MPP7: variants seen among roughly 807,000 people sequenced by gnomAD.
MPP7 encodes the protein MAGUK p55 scaffold protein 7, also known as MAGUK p55 subfamily member 7.
MPP7 carries 60 observed loss-of-function variants against 76.5 expected under a neutral mutation model. The observed-to-expected ratio is 0.78, with a 90% confidence interval of 0.64 to 0.97. The LOEUF is 0.97. Ranked by LOEUF, MPP7 falls within the 50% of genes least tolerant of loss-of-function variation. The pLI is 0.00. For missense variants in MPP7, 641 were observed against 694.0 expected (o/e 0.92, Z 0.86); for synonymous variants, 237 against 244.5 (o/e 0.97, Z 0.29).
At position 28,297,820 on chromosome 10, in the gene MPP7, T is replaced by C. The variant is rs1034091817; in HGVS notation, c.-132+5041A>G. The stretch of plus-strand genomic sequence containing the variant: ...TTCACAATTGAAGTCAATCCTATCA[T>C]ACCCTGCCACTGCTTTATTAACCAA... On this transcript the variant is annotated intron_variant, in intron 1 of 16. Coordinates refer to ENST00000683449, the MANE Select transcript of MPP7 (RefSeq NM_001318170.2). 2.0e-5 allele frequency among the ~76,000 whole-genome samples: 3 copies of C among 152,366 alleles called. No homozygotes were observed. The South Asian group carries it at 6.2e-4, about 32-fold the overall frequency.
Position 28,274,073 on chromosome 10 carries a change from C to T in MPP7, c.-132+28788G>A, listed in dbSNP as rs1030921820. Among the ~76,000 whole-genome samples, 4 of 151,840 alleles carry T rather than the reference C, an allele frequency of 2.6e-5. No individual in the cohort carries two copies. The East Asian group carries it at 7.8e-4, about 30-fold the overall frequency. ...CCAGGGGTTCAAGACCATCATGATA[C>T]CCCATCTCTGTAAAATAAAATTTTT... On this transcript the variant is annotated intron_variant, in intron 1 of 16. Transcript: ENST00000683449.
At chr10:28,100,062 T>C (rs1283748841) in intron 11 of MPP7, among the ~76,000 whole-genome samples, 1 of 147,840 alleles carries the variant, frequency 6.8e-6, no homozygotes, top group African/African-American at 2.5e-5. Flanking sequence ...ACTGATTCAA[T>C]AGGTACCTTA....
chr10:28,099,481 A>T (rs1331295140), intron 11 of MPP7, among the ~76,000 whole-genome samples: 2 of 152,202 alleles, frequency 1.3e-5, no homozygotes, highest in Non-Finnish European at 2.9e-5. Flanking sequence ...GACTCATAAC[A>T]GAGGATTAGA....
rs116839777 is a variant in MPP7 at position 28,210,729 on chromosome 10, G to A, written c.38-8458C>T. ...TGTTGTAACCTATTCTCCCTTTCCA[G>A]AGGAATTTTATATGGCAAATTCTGG... On this transcript the variant is annotated intron_variant, in intron 2 of 16. Coordinates refer to ENST00000683449, the MANE Select transcript of MPP7 (RefSeq NM_001318170.2). 2.9e-3 allele frequency among the ~76,000 whole-genome samples: 437 copies of A among 152,266 alleles called. 1 individual carries two copies. Among genetic ancestry groups the A allele is most frequent in the African/African-American group, 9.7e-3 (404 of 41,546 alleles).
At chr10:28,272,970 T>C (rs1369286149) in intron 1 of MPP7, among the ~76,000 whole-genome samples, 3 of 152,172 alleles carry the variant, frequency 2.0e-5, no homozygotes, top group African/African-American at 7.2e-5. Flanking sequence ...CAGGCTGTAG[T>C]GTAGTGGCGC....
intron 1 of MPP7, among the ~76,000 whole-genome samples, chr10:28,291,231 G>T (rs1475443863): frequency 8.5e-5 from 13 of 152,224 alleles, no homozygotes; most frequent in Admixed American, 8.5e-4. Context: ...TACAGCAACT[G>T]CTATAACCAC....
chr10:28,057,693 G>A (rs1851616134), intron 15 of MPP7: 2 of 1,247,458 alleles, frequency 1.6e-6, no homozygotes, highest in Admixed American at 5.4e-5. Context: ...GACTAACACA[G>A]TGCCCAAGTC....
intron 3 of MPP7, among the ~76,000 whole-genome samples, chr10:28,197,512 G>T (rs1239559222): frequency 6.6e-6 from 1 of 152,074 alleles, no homozygotes; most frequent in Non-Finnish European, 1.5e-5. Flanking sequence ...ACCGAATGCA[G>T]GTTCCAACTT....
upstream of MPP7, among the ~76,000 whole-genome samples, chr10:28,304,682 T>C (rs1347033830): frequency 6.6e-6 from 1 of 152,192 alleles, no homozygotes; most frequent in Non-Finnish European, 1.5e-5. Context: ...TTTTACATTG[T>C]GTAAGGAAAA....
intron 1 of MPP7, among the ~76,000 whole-genome samples, chr10:28,251,561 A>C (rs1839614684): frequency 6.6e-6 from 1 of 152,252 alleles, no homozygotes; most frequent in African/African-American, 2.4e-5. Flanking sequence ...AGAAATAATC[A>C]TACAAGTATG....
intron 5 of MPP7, among the ~76,000 whole-genome samples, chr10:28,143,474 C>A (rs1334330095): frequency 1.3e-5 from 2 of 151,984 alleles, no homozygotes; most frequent in South Asian, 4.1e-4. Flanking sequence ...GGACAGATAT[C>A]ATAAATCATG....
chr10:28,310,407 A>G (rs917455692), intron 2 of MPP7, among the ~76,000 whole-genome samples: 14 of 152,008 alleles, frequency 9.2e-5, no homozygotes, highest in South Asian at 2.1e-4. Flanking sequence ...CCACTCTCCC[A>G]TGTTCTGTCT....
intron 13 of MPP7, 117 bp downstream of exon 13, chr10:28,069,655 C>T: frequency 3.0e-6 from 2 of 665,170 alleles, no homozygotes; most frequent in South Asian, 3.0e-5. Context: ...AATACATATA[C>T]CTACCATGTA....
At chr10:28,210,527 T>TAACA (rs1381946571) in intron 2 of MPP7, among the ~76,000 whole-genome samples, 1 of 152,196 alleles carries the variant, frequency 6.6e-6, no homozygotes, top group Non-Finnish European at 1.5e-5. Flanking sequence ...TGTGGTTTTC[T>TAACA]AACATTAAAA....
intron 4 of MPP7, among the ~76,000 whole-genome samples, chr10:28,149,150 A>AT (rs1835800471): frequency 6.6e-6 from 1 of 152,224 alleles, no homozygotes; most frequent in South Asian, 2.1e-4. Context: ...AAGATGGCCA[A>AT]TTTTTTAATT....
At chr10:28,065,670 C>T (rs1010020355) in intron 13 of MPP7, among the ~76,000 whole-genome samples, 2 of 152,060 alleles carry the variant, frequency 1.3e-5, no homozygotes, top group African/African-American at 4.8e-5. Context: ...AAATAGCTGT[C>T]CTGGGGAGAT....
chr10:28,174,734 T>C (rs985633379), intron 3 of MPP7, among the ~76,000 whole-genome samples: 1 of 152,174 alleles, frequency 6.6e-6, no homozygotes, highest in African/African-American at 2.4e-5. Context: ...CCTTAGTATA[T>C]ACCCAACAGA....
At chr10:28,062,282 A>G (rs2133336533) in intron 13 of MPP7, among the ~76,000 whole-genome samples, 1 of 152,304 alleles carries the variant, frequency 6.6e-6, no homozygotes, top group Non-Finnish European at 1.5e-5. Flanking sequence ...GTGAAATGAC[A>G]CCAAGTTAAA....
intron 8 of MPP7, among the ~76,000 whole-genome samples, 156 bp from the exon 9 acceptor site, chr10:28,120,824 T>C (rs1834813097): frequency 6.6e-6 from 1 of 152,228 alleles, no homozygotes; most frequent in Non-Finnish European, 1.5e-5. Context: ...TAGAAATTCC[T>C]GTAATGTGAG....
Sources: gnomAD v4.1 joint callset for allele counts (sites outside exome capture counted in the v4.1 genomes callset) on GRCh38, gnomAD v4.1.1 for gene constraint, MANE v1.5 for transcripts, NCBI Gene and HGNC (gene_info 2026-07-23, HGNC 2026-07-21) for gene names.